Variants in NXPE2 observed in about 807,000 individuals in gnomAD.
NXPE2 encodes the protein neurexophilin and PC-esterase domain family member 2.
A neutral mutation model predicts 34.4 loss-of-function variants in NXPE2; 34 were observed. The ratio of observed to expected loss-of-function variants is 0.99; its 90% CI spans 0.75 to 1.31. The LOEUF is 1.31. Ranked by LOEUF, NXPE2 falls within the 40% of genes most tolerant of loss-of-function variation. The pLI, the probability that NXPE2 is intolerant of heterozygous loss-of-function variation, is 0.00. For missense variants in NXPE2, 649 were observed against 672.5 expected (o/e 0.97, Z 0.39); for synonymous variants, 235 against 231.3 (o/e 1.02, Z -0.15).
At chr11:114,639,851 AATAT>A in the NXPE2 span, among the ~76,000 whole-genome samples, 1 of 99,512 alleles carries the variant, frequency 1.0e-5, no homozygotes, top group Non-Finnish European at 1.8e-5. Context: ...TATAAAATAT[AATAT>A]ATATTATATT....
the NXPE2 span, among the ~76,000 whole-genome samples, chr11:114,759,071 C>A: frequency 1.3e-5 from 2 of 151,922 alleles, no homozygotes; most frequent in African/African-American, 4.8e-5. Flanking sequence ...TGCGCAAACA[C>A]ACACGCACAT....
chr11:114,481,922 T>A, the NXPE2 span, among the ~76,000 whole-genome samples: 12 of 152,158 alleles, frequency 7.9e-5, no homozygotes, highest in African/African-American at 2.9e-4. Context: ...TGCAAGTAAC[T>A]GTAGCGAAAG....
At chr11:114,494,078 G>C in the NXPE2 span, among the ~76,000 whole-genome samples, 2 of 152,094 alleles carry the variant, frequency 1.3e-5, no homozygotes, top group African/African-American at 4.8e-5. Context: ...ACATATTAGA[G>C]CTCCATAATA....
chr11:114,530,042 A>G, the NXPE2 span: 16 of 925,090 alleles, frequency 1.7e-5, no homozygotes, highest in East Asian at 3.2e-4. Flanking sequence ...TAGAGGCCCC[A>G]AGAAGACACC....
the NXPE2 span, among the ~76,000 whole-genome samples, chr11:114,585,902 C>T: frequency 4.6e-5 from 7 of 152,126 alleles, no homozygotes; most frequent in African/African-American, 1.4e-4. Context: ...CATGGAGGCT[C>T]CATCTTCCCT....
At chr11:114,527,345 A>G in the NXPE2 span, 1 of 152,530 alleles carries the variant, frequency 6.6e-6, no homozygotes, top group African/African-American at 2.4e-5. Flanking sequence ...ACTAAGATAG[A>G]CTTTATAAAA....
At chr11:114,543,084 T>A in the NXPE2 span, among the ~76,000 whole-genome samples, 1 of 151,968 alleles carries the variant, frequency 6.6e-6, no homozygotes, top group South Asian at 2.1e-4. Flanking sequence ...GGCAAGACTG[T>A]CTCTACAAAA....
chr11:114,778,041 G>A, the NXPE2 span, among the ~76,000 whole-genome samples: 1 of 152,210 alleles, frequency 6.6e-6, no homozygotes. Context: ...ATTCTGATGT[G>A]TGTTTCAAAG....
the NXPE2 span, among the ~76,000 whole-genome samples, chr11:114,500,191 G>A: frequency 6.6e-6 from 1 of 151,996 alleles, no homozygotes. Flanking sequence ...CTGACAAACT[G>A]TTTTCTAGTC....
At chr11:114,664,767 G>A in the NXPE2 span, among the ~76,000 whole-genome samples, 1 of 152,118 alleles carries the variant, frequency 6.6e-6, no homozygotes. Flanking sequence ...CTAGCAATAT[G>A]CTGTAGGATA....
At chr11:114,506,520 A>C in the NXPE2 span, among the ~76,000 whole-genome samples, 1 of 152,240 alleles carries the variant, frequency 6.6e-6, no homozygotes, top group African/African-American at 2.4e-5. Context: ...AACTGAAATC[A>C]TGAAAGACAG....
the NXPE2 span, among the ~76,000 whole-genome samples, chr11:114,474,221 G>A: frequency 6.6e-6 from 1 of 152,044 alleles, no homozygotes; most frequent in African/African-American, 2.4e-5. Flanking sequence ...AAAGATTTGG[G>A]TCCATCCGTA....
the NXPE2 span, among the ~76,000 whole-genome samples, chr11:114,652,266 C>A: frequency 1.3e-5 from 2 of 152,198 alleles, no homozygotes; most frequent in African/African-American, 4.8e-5. Context: ...GGACATTGAG[C>A]ATCTGGAAGG....
chr11:114,622,816 A>G, the NXPE2 span, among the ~76,000 whole-genome samples: 1 of 152,088 alleles, frequency 6.6e-6, no homozygotes, highest in South Asian at 2.1e-4. Context: ...CTCATGGGTT[A>G]CCACTCTTAC....
chr11:114,594,233 C>T, the NXPE2 span, among the ~76,000 whole-genome samples: 2 of 152,044 alleles, frequency 1.3e-5, no homozygotes, highest in Non-Finnish European at 2.9e-5. Context: ...AATGAATACC[C>T]CATTTACCCT....
chr11:114,725,994 A>ATATATATATATATAT, the NXPE2 span, among the ~76,000 whole-genome samples: 166 of 87,638 alleles, frequency 1.9e-3, 11 homozygotes, highest in South Asian at 3.5e-3. Flanking sequence ...TATATATATA[A>ATATATATATATATAT]AAAGAAAAAG....
the NXPE2 span, among the ~76,000 whole-genome samples, chr11:114,547,919 G>T: frequency 6.6e-6 from 1 of 151,944 alleles, no homozygotes; most frequent in Admixed American, 6.6e-5. Flanking sequence ...GGGTATAGAA[G>T]AACTTCCTGT....
chr11:114,743,439 G>A, the NXPE2 span, among the ~76,000 whole-genome samples: 1 of 152,154 alleles, frequency 6.6e-6, no homozygotes. Flanking sequence ...GAGCAAAGCA[G>A]TATCAAGCAA....
chr11:114,694,508 G>A (rs763626637), intron 2 of NXPE2, among the ~76,000 whole-genome samples: 1 of 152,076 alleles, frequency 6.6e-6, no homozygotes, highest in African/African-American at 2.4e-5. Flanking sequence ...AAAAATTTCA[G>A]TCATTATTTC....
Sources: gnomAD v4.1 joint callset for allele counts (sites outside exome capture counted in the v4.1 genomes callset) on GRCh38, gnomAD v4.1.1 for gene constraint, MANE v1.5 for transcripts, NCBI Gene and HGNC (gene_info 2026-07-23, HGNC 2026-07-21) for gene names.